MCM7: variants seen among roughly 807,000 people sequenced by gnomAD.
MCM7 encodes the protein DNA replication licensing factor MCM7.
MCM7 carries 95 observed loss-of-function variants against 83.5 expected under a neutral mutation model. That is an observed-to-expected ratio of 1.14 (90% CI 0.96 to 1.35). The LOEUF (loss-of-function observed/expected upper bound fraction) is 1.35. Ranked by LOEUF, MCM7 falls within the 40% of genes most tolerant of loss-of-function variation. The pLI, the probability that MCM7 is intolerant of heterozygous loss-of-function variation, is 0.00. For synonymous variants in MCM7, 461 were observed against 352.7 expected, an observed-to-expected ratio of 1.31 and a Z score of -3.44; for missense variants, 1,087 against 957.4, an observed-to-expected ratio of 1.14 and a Z score of -1.79.
At chr7:100,096,766 G>A (rs1235688850) in intron 10 of MCM7, among the ~76,000 whole-genome samples, 7 of 151,566 alleles carry the variant, frequency 4.6e-5, no homozygotes, top group East Asian at 1.9e-4. Context: ...CTGAGACTCC[G>A]TCTCAAAAAA....
rs1795727454 is a variant in MCM7, at chr7:100,097,893, C to T, written c.926G>A (p.Ser309Asn). The stretch of plus-strand genomic sequence containing the variant: ...TCCAGCCCCAGACTCATCATCCTCA[C>T]TCTTGTTCATCTTCACAATCCGATG... ...EAHRIVKMNK[S>N]EDDESGAGEL... The change falls in exon 8 of 15, where the codon AGT becomes AAT. Residue 309 changes from serine to asparagine, a missense_variant. Coordinates refer to ENST00000303887, the MANE Select transcript of MCM7 (RefSeq NM_005916.5). 12 of 1,614,204 alleles carry T rather than the reference C, an allele frequency of 7.4e-6. No individual in the cohort carries two copies. Among genetic ancestry groups the T allele is most frequent in the Non-Finnish European group, 1.0e-5 (12 of 1,180,040 alleles).
chr7:100,098,611 G>T lies in MCM7; in HGVS notation c.687C>A (p.Phe229Leu), dbSNP rs766833790. The T allele has an allele frequency of 5.6e-6, 9 of 1,614,192 alleles. No individual in the cohort carries two copies. The East Asian group carries it at 2.0e-4, about 36-fold the overall frequency. The change falls in exon 6 of 15, where the codon TTC becomes TTA. Residue 229 changes from phenylalanine (F) to leucine (L), a missense_variant. By Grantham distance (22) the Phe-to-Leu change is conservative. Coordinates refer to ENST00000303887, the MANE Select transcript of MCM7 (RefSeq NM_005916.5). ...RLYLQTRGSR[F>L]IKFQEMKMQE... ...GCATCTTCATCTCCTGGAATTTGAT[G>T]AATCTGGAGCCCCGTGTCTGCAGAT...
chr7:100,092,739 C>T lies in MCM7; in HGVS notation c.*193G>A, dbSNP rs551549622. On this transcript the variant is annotated 3_prime_UTR_variant, in exon 15 of 15. Transcript: ENST00000303887. Reference sequence around the variant, plus strand: ...AACGAACAGGAATCTAAAAAACGCACAAAACCCTGTTTTAATGGAAGTCAG... The same window carrying T: ...AACGAACAGGAATCTAAAAAACGCATAAAACCCTGTTTTAATGGAAGTCAG... The T allele has an allele frequency of 7.9e-6, 5 of 630,436 alleles. No homozygotes were observed. The East Asian group carries it at 1.4e-4, about 17-fold the overall frequency. The allele number at this position is 630,436 out of a possible 1,614,324, so 39.1% of individuals were successfully genotyped here. A position where few individuals can be genotyped will look rare whatever the true frequency, so the allele number is the denominator to read the frequency against.
intron 10 of MCM7, 43 bp from the exon 11 acceptor site, chr7:100,096,210 G>T: frequency 6.6e-7 from 1 of 1,517,938 alleles, no homozygotes; most frequent in Non-Finnish European, 8.8e-7. Context: ...GAAAGAACAA[G>T]AAAGAGAACA....
intron 1 of MCM7, chr7:100,100,445 T>A (rs1383891394): frequency 7.0e-6 from 7 of 1,006,340 alleles, no homozygotes; most frequent in Admixed American, 1.2e-4. Flanking sequence ...TGGGTCCCCT[T>A]AGCCCCTGAT....
intron 1 of MCM7, chr7:100,100,900 G>C: frequency 9.4e-7 from 1 of 1,060,090 alleles, no homozygotes; most frequent in Non-Finnish European, 1.1e-6. Flanking sequence ...GGGAACCTGG[G>C]AATGCCCAAA....
intron 9 of MCM7, 23 bp downstream of exon 9, chr7:100,097,591 G>A (rs2116575850): frequency 1.2e-6 from 2 of 1,612,952 alleles, no homozygotes; most frequent in Non-Finnish European, 1.7e-6. Context: ...TCCACCCTGA[G>A]CCTCTCCCTT....
chr7:100,097,069 C>G (rs960132983), intron 10 of MCM7, among the ~76,000 whole-genome samples: 3 of 152,184 alleles, frequency 2.0e-5, no homozygotes, highest in Non-Finnish European at 4.4e-5. Context: ...CCACTGCACT[C>G]CGGCCTGGGC....
In MCM7 at chr7:100,098,122, A is replaced by C; in HGVS notation, c.870+19T>G. On this transcript the variant is annotated intron_variant, in intron 7 of 14. Transcript: ENST00000303887. ...GGGAAAAGGGGATGATCCATTCCTCATGTCAAACTCTTCCTTACCTGTACC... is the reference window on the plus strand; with the variant it reads ...GGGAAAAGGGGATGATCCATTCCTCCTGTCAAACTCTTCCTTACCTGTACC... 1.2e-6 allele frequency: 2 copies of C among 1,613,234 alleles called. No individual in the cohort carries two copies. Among genetic ancestry groups the C allele is most frequent in the Non-Finnish European group, 8.5e-7 (1 of 1,179,406 alleles).
At chr7:100,096,235 A>C in intron 10 of MCM7, 68 bp from the exon 11 acceptor site, 9 of 1,462,378 alleles carry the variant, frequency 6.2e-6, no homozygotes, top group Non-Finnish European at 8.2e-6. Flanking sequence ...AAAGACAACA[A>C]ACGGGCCAGG....
rs761200016 is a variant in MCM7, at chr7:100,095,506, T to C, written c.1596-36A>G. 6 of 1,596,932 alleles carry C rather than the reference T, an allele frequency of 3.8e-6. No individual in the cohort carries two copies. The South Asian group carries it at 5.6e-5, about 15-fold the overall frequency. ...GGAAGGTTAGAAGGAACACCCTTTT[T>C]AGGGCTACGCACCCATGTCCTCTTA... is the stretch of plus-strand genomic sequence containing the variant. On this transcript the variant is annotated intron_variant, in intron 11 of 14. Coordinates refer to ENST00000303887, the MANE Select transcript of MCM7 (RefSeq NM_005916.5).
At position 100,096,186 on chromosome 7, in the gene MCM7, G is replaced by A. The variant is rs1449919960; in HGVS notation, c.1202-19C>T. 3.9e-6 allele frequency: 6 copies of A among 1,540,258 alleles called. No individual in the cohort carries two copies. Among genetic ancestry groups the A allele is most frequent in the Admixed American group, 2.1e-5 (1 of 46,874 alleles). ...TACTGGCCTGGAAGAGAAGAAATAA[G>A]GAACCATGAGAGAGAAAGAACAAGA... On this transcript the variant is annotated intron_variant, in intron 10 of 14. Coordinates refer to ENST00000303887, the MANE Select transcript of MCM7 (RefSeq NM_005916.5).
In MCM7 at chr7:100,097,861, T is replaced by C. The variant is rs1363475981; in HGVS notation, c.958A>G (p.Thr320Ala). Residue 320 changes from threonine (T) to alanine (A), a missense_variant, in exon 8 of 15, where the codon ACC becomes GCC. Physicochemically the swap from Thr to Ala is moderately conservative, Grantham distance 58 (BLOSUM62 0). Transcript: ENST00000303887. ...EDDESGAGEL[T>A]REELRQIAEE... ...GCAATTTGCCTCAGCTCCTCCCTGG[T>C]GAGCTCTCCAGCCCCAGACTCATCA... 6.2e-7 allele frequency: 1 copy of C among 1,614,022 alleles called. No homozygotes were observed. Among genetic ancestry groups the C allele is most frequent in the African/African-American group, 1.3e-5 (1 of 74,918 alleles).
rs1408719346 is a variant in MCM7, at chr7:100,099,210, G to C, written c.402-7C>G. On this transcript the variant is annotated splice_region_variant and splice_polypyrimidine_tract_variant and intron_variant, in intron 4 of 14. Coordinates refer to ENST00000303887, the MANE Select transcript of MCM7 (RefSeq NM_005916.5). ...GCCTTGAAAATACAGCTCACTAAGG[G>C]GAGAAAACAGTCACAAACAAGATCC... 6.2e-7 allele frequency: 1 copy of C among 1,613,774 alleles called. No individual in the cohort carries two copies. The highest frequency in any genetic ancestry group is 8.5e-7 in the Non-Finnish European group (1 of 1,179,936).
Position 100,101,374 on chromosome 7 carries a change from G to T in MCM7, c.-80C>A. On this transcript the variant is annotated 5_prime_UTR_variant, in exon 1 of 15. Transcript: ENST00000303887. ...GGAAGCTGAGAATCTCCGCGCGGTGGACTGTGGCCGGCCAACCGAAATTGG... is the reference window on the plus strand; with the variant it reads ...GGAAGCTGAGAATCTCCGCGCGGTGTACTGTGGCCGGCCAACCGAAATTGG... 12 of 1,588,328 alleles carry T rather than the reference G, an allele frequency of 7.6e-6. No individual in the cohort carries two copies. In the South Asian group the frequency reaches 1.3e-4, roughly 18 times the overall value.
In MCM7 at chr7:100,093,023, G is replaced by A. The variant is rs1227456011; in HGVS notation, c.2069C>T (p.Thr690Ile). 6 of 1,614,128 alleles carry A rather than the reference G, an allele frequency of 3.7e-6. No homozygotes were observed. In the Admixed American group the frequency reaches 6.7e-5, roughly 18 times the overall value. ...AEQRCVSRGF[T>I]PAQFQAALDE... ...CAGAGCCGCCTGGAACTGGGCGGGT[G>A]TGAAGCCACGAGATACACAGCGCTG... Residue 690 changes from threonine to isoleucine, a missense_variant, in exon 15 of 15, where the codon ACA becomes ATA. Coordinates refer to ENST00000303887, the MANE Select transcript of MCM7 (RefSeq NM_005916.5).
chr7:100,101,354 C>CT lies in MCM7; in HGVS notation c.-61dup. ...CTCAGAGGTCTTGCTCCTGGGGAAG[C>CT]TGAGAATCTCCGCGCGGTGGACTGT... On this transcript the variant is annotated 5_prime_UTR_variant, in exon 1 of 15. Coordinates refer to ENST00000303887, the MANE Select transcript of MCM7 (RefSeq NM_005916.5). 1.2e-6 allele frequency: 2 copies of CT among 1,607,894 alleles called. No homozygotes were observed. Among genetic ancestry groups the CT allele is most frequent in the Non-Finnish European group, 1.7e-6 (2 of 1,177,326 alleles).
chr7:100,095,606 A>G, intron 11 of MCM7, 136 bp from the exon 12 acceptor site: 1 of 1,303,196 alleles, frequency 7.7e-7, no homozygotes, highest in Non-Finnish European at 1.1e-6. Flanking sequence ...CCTCATCAGC[A>G]TTTCAGCCCC....
At chr7:100,097,806 A>C (rs1190454848) in intron 8 of MCM7, 28 bp downstream of exon 8, 1 of 1,613,802 alleles carries the variant, frequency 6.2e-7, no homozygotes, top group African/African-American at 1.3e-5. Context: ...ATGTAAACGG[A>C]ATTTCCTCTC....
Sources: allele counts gnomAD v4.1 joint callset (sites outside exome capture counted in the v4.1 genomes callset), GRCh38; gene constraint gnomAD v4.1.1; transcripts MANE v1.5; gene names NCBI Gene and HGNC (gene_info 2026-07-23, HGNC 2026-07-21).